HS3ST3A1: variants seen among roughly 807,000 people sequenced by gnomAD.
The protein encoded by HS3ST3A1 is heparan sulfate-glucosamine 3-sulfotransferase 3A1.
Under a neutral mutation model 25.7 loss-of-function variants are expected in HS3ST3A1, and 19 were observed. The ratio of observed to expected loss-of-function variants is 0.74; its 90% CI spans 0.52 to 1.08. The LOEUF (loss-of-function observed/expected upper bound fraction) is 1.08, where lower values mean the gene tolerates loss of function less well. Among genes scored for constraint, HS3ST3A1 ranks in the 50% least tolerant of loss-of-function variants. HS3ST3A1 has a pLI of 0.00. For synonymous variants in HS3ST3A1, 226 were observed against 278.6 expected (o/e 0.81, Z 1.88); for missense variants, 459 against 594.3 (o/e 0.77, Z 2.37).
intron 1 of HS3ST3A1, among the ~76,000 whole-genome samples, chr17:13,579,548 A>G (rs565463223): frequency 6.6e-6 from 1 of 151,850 alleles, no homozygotes; most frequent in Non-Finnish European, 1.5e-5. Context: ...TAAAAAATAC[A>G]AAAACTAGCT....
intron 1 of HS3ST3A1, among the ~76,000 whole-genome samples, chr17:13,537,699 A>G (rs1223530158): frequency 1.3e-5 from 2 of 152,160 alleles, no homozygotes; most frequent in African/African-American, 4.8e-5. Flanking sequence ...CCTTCCATTC[A>G]ATTTTCTTTC....
At chr17:13,583,044 G>C (rs1283812357) in intron 1 of HS3ST3A1, among the ~76,000 whole-genome samples, 1 of 152,196 alleles carries the variant, frequency 6.6e-6, no homozygotes, top group East Asian at 1.9e-4. Context: ...GCAATAAATT[G>C]TGGGTATGAG....
At chr17:13,587,068 A>G (rs1030145865) in intron 1 of HS3ST3A1, among the ~76,000 whole-genome samples, 3 of 151,820 alleles carry the variant, frequency 2.0e-5, no homozygotes, top group Admixed American at 2.0e-4. Context: ...GGTAACTACT[A>G]GAAAGTTGAA....
At chr17:13,497,457 G>A (rs981856490) in intron 1 of HS3ST3A1, among the ~76,000 whole-genome samples, 35 of 152,188 alleles carry the variant, frequency 2.3e-4, no homozygotes, top group African/African-American at 8.4e-4. Flanking sequence ...TCGTGTGATA[G>A]TATACTTTCA....
At chr17:13,579,842 C>T (rs995524760) in intron 1 of HS3ST3A1, among the ~76,000 whole-genome samples, 8 of 147,092 alleles carry the variant, frequency 5.4e-5, no homozygotes, top group Admixed American at 2.7e-4. Context: ...CGTGGTGGCG[C>T]TTGCCTGTAA....
chr17:13,502,264 A>C (rs1366820763), intron 1 of HS3ST3A1, among the ~76,000 whole-genome samples: 1 of 152,080 alleles, frequency 6.6e-6, no homozygotes, highest in Non-Finnish European at 1.5e-5. Context: ...TCAGGAATTA[A>C]TGGTGGGAGT....
intron 1 of HS3ST3A1, among the ~76,000 whole-genome samples, chr17:13,550,592 A>C (rs1269320309): frequency 6.6e-6 from 1 of 152,130 alleles, no homozygotes; most frequent in African/African-American, 2.4e-5. Context: ...TTATGAGTGA[A>C]AAATAAACTT....
intron 1 of HS3ST3A1, among the ~76,000 whole-genome samples, chr17:13,598,265 T>A (rs1231676366): frequency 6.6e-6 from 1 of 151,544 alleles, no homozygotes; most frequent in Non-Finnish European, 1.5e-5. Context: ...GGGTGGGAGA[T>A]TTTTTTTTCA....
At chr17:13,561,697 A>G (rs1348799551) in intron 1 of HS3ST3A1, among the ~76,000 whole-genome samples, 3 of 152,022 alleles carry the variant, frequency 2.0e-5, no homozygotes, top group Admixed American at 6.6e-5. Context: ...TAGCCACCAG[A>G]CCATTCTTAA....
At chr17:13,508,733 C>G (rs1446903543) in intron 1 of HS3ST3A1, among the ~76,000 whole-genome samples, 1 of 152,154 alleles carries the variant, frequency 6.6e-6, no homozygotes, top group African/African-American at 2.4e-5. Flanking sequence ...AATGTCCTAT[C>G]AAAGTATCAA....
chr17:13,516,636 T>A (rs1049483502), intron 1 of HS3ST3A1, among the ~76,000 whole-genome samples: 2 of 152,252 alleles, frequency 1.3e-5, no homozygotes, highest in Non-Finnish European at 2.9e-5. Flanking sequence ...TTTACTGTTA[T>A]TGTGAATGAG....
chr17:13,509,656 A>G (rs555475551), intron 1 of HS3ST3A1, among the ~76,000 whole-genome samples: 1 of 152,304 alleles, frequency 6.6e-6, no homozygotes, highest in Non-Finnish European at 1.5e-5. Context: ...AGAAGAAAAA[A>G]AGAGAAGAAT....
At chr17:13,534,054 T>C (rs886425141) in intron 1 of HS3ST3A1, among the ~76,000 whole-genome samples, 3 of 152,198 alleles carry the variant, frequency 2.0e-5, no homozygotes, top group Non-Finnish European at 4.4e-5. Flanking sequence ...TATGAAACCA[T>C]AACCTGCAAG....
chr17:13,586,408 G>T (rs1437697749), intron 1 of HS3ST3A1, among the ~76,000 whole-genome samples: 3 of 151,262 alleles, frequency 2.0e-5, no homozygotes, highest in Non-Finnish European at 4.4e-5. Context: ...AGAACCAGAG[G>T]GGGTCTGTGA....
intron 1 of HS3ST3A1, among the ~76,000 whole-genome samples, chr17:13,566,165 C>T (rs1218387209): frequency 3.3e-5 from 5 of 152,188 alleles, no homozygotes; most frequent in Admixed American, 2.0e-4. Context: ...CAATAGCATG[C>T]TCACATGCTG....
chr17:13,601,000 C>A lies in HS3ST3A1; in HGVS notation c.130G>T (p.Glu44Ter). 6.3e-7 allele frequency: 1 copy of A among 1,578,246 alleles called. No individual in the cohort carries two copies. Among genetic ancestry groups the A allele is most frequent in the Non-Finnish European group, 8.6e-7 (1 of 1,162,376 alleles). The change falls in exon 1 of 2, where the codon GAG (glutamate) becomes TAG (stop). Residue 44 changes from glutamate to a stop codon, truncating the protein, a stop_gained. Coordinates refer to ENST00000284110, the MANE Select transcript of HS3ST3A1 (RefSeq NM_006042.3). LOFTEE classifies it high-confidence loss of function. ...TSLYVFYCLAERCQTLSGPVV... is the reference protein window; with the variant it reads ...TSLYVFYCLA Reference sequence around the variant, plus strand: ...GGGCCGGACAGGGTCTGGCAGCGCTCGGCCAGGCAGTAGAAGACGTAAAGG... The same window carrying A: ...GGGCCGGACAGGGTCTGGCAGCGCTAGGCCAGGCAGTAGAAGACGTAAAGG...
At chr17:13,548,000 C>T (rs1276393706) in intron 1 of HS3ST3A1, among the ~76,000 whole-genome samples, 1 of 150,190 alleles carries the variant, frequency 6.7e-6, no homozygotes, top group Non-Finnish European at 1.5e-5. Flanking sequence ...TTATTAAACA[C>T]AGCACAGTAG....
intron 1 of HS3ST3A1, among the ~76,000 whole-genome samples, chr17:13,570,132 C>T (rs1907765630): frequency 1.3e-5 from 2 of 152,094 alleles, no homozygotes; most frequent in Admixed American, 6.5e-5. Context: ...TGAATATTCT[C>T]ACCACATTTG....
chr17:13,578,123 G>C (rs1289552456), intron 1 of HS3ST3A1, among the ~76,000 whole-genome samples: 1 of 152,144 alleles, frequency 6.6e-6, no homozygotes, highest in Non-Finnish European at 1.5e-5. Context: ...GTCCACGGCA[G>C]TTTTAGTCAT....
Sources: allele counts gnomAD v4.1 joint callset (sites outside exome capture counted in the v4.1 genomes callset), GRCh38; gene constraint gnomAD v4.1.1; transcripts MANE v1.5; gene names NCBI Gene and HGNC (gene_info 2026-07-23, HGNC 2026-07-21).